Variants in SNX14 observed in about 807,000 individuals in gnomAD.
The protein encoded by SNX14 is sorting nexin 14.
A neutral mutation model predicts 133.8 loss-of-function variants in SNX14; 93 were observed. The observed-to-expected ratio is 0.70, with a 90% confidence interval of 0.59 to 0.83. The LOEUF (loss-of-function observed/expected upper bound fraction) is 0.83, where lower values mean the gene tolerates loss of function less well. Among genes scored for constraint, SNX14 ranks in the 40% least tolerant of loss-of-function variants. The probability of loss-of-function intolerance (pLI) is 0.00; values close to 1 mark genes in which losing one functional copy is unlikely to be tolerated. For missense variants in SNX14, 945 were observed against 1,094.9 expected, an observed-to-expected ratio of 0.86 and a Z score of 1.93; for synonymous variants, 368 against 365.6, an observed-to-expected ratio of 1.01 and a Z score of -0.07.
intron 15 of SNX14, 101 bp downstream of exon 15, chr6:85,541,884 A>G (rs1270106882): frequency 6.2e-6 from 5 of 810,820 alleles, no homozygotes; most frequent in Non-Finnish European, 9.5e-6. Flanking sequence ...TCATATAACA[A>G]TGGAACCACA....
intron 1 of SNX14, among the ~76,000 whole-genome samples, chr6:85,579,475 A>T (rs951670375): frequency 2.6e-5 from 4 of 152,232 alleles, no homozygotes; most frequent in Admixed American, 2.6e-4. Context: ...ACAGTACATG[A>T]TTTTAACTTC....
At chr6:85,508,151 C>T in intron 26 of SNX14, 92 bp from the exon 27 acceptor site, 1 of 1,484,888 alleles carries the variant, frequency 6.7e-7, no homozygotes. Flanking sequence ...CCCTGTTTCC[C>T]AGATACTAGG....
chr6:85,588,102 C>A (rs986160696), intron 1 of SNX14, among the ~76,000 whole-genome samples: 11 of 151,856 alleles, frequency 7.2e-5, no homozygotes, highest in Non-Finnish European at 1.0e-4. Flanking sequence ...CCAGCCTAGG[C>A]AATATAGTGA....
intron 7 of SNX14, among the ~76,000 whole-genome samples, chr6:85,555,577 G>A (rs554226993): frequency 2.0e-5 from 3 of 152,304 alleles, no homozygotes; most frequent in African/African-American, 7.2e-5. Flanking sequence ...AGGAAAGAAG[G>A]ATGAACAGAG....
At chr6:85,511,084 ATTTCT>A (rs557679188) in intron 26 of SNX14, among the ~76,000 whole-genome samples, 1 of 152,148 alleles carries the variant, frequency 6.6e-6, no homozygotes, top group Non-Finnish European at 1.5e-5. Context: ...TAGTTCTTTG[ATTTCT>A]TTAATTAAAG....
Position 85,505,944 on chromosome 6 carries a change from T to C in SNX14, c.*23A>G, listed in dbSNP as rs1770468796. 1 of 1,576,050 alleles carries C rather than the reference T, an allele frequency of 6.3e-7. No individual in the cohort carries two copies. Among genetic ancestry groups the C allele is most frequent in the African/African-American group, 1.3e-5 (1 of 74,306 alleles). ...TCGCACAGCAGAAATTTCAATGGGT[T>C]ATTCTATACCAAATCCAAGTGTTTA... On this transcript the variant is annotated 3_prime_UTR_variant, in exon 29 of 29. Transcript: ENST00000314673.
chr6:85,593,377 G>A (rs1173451698), intron 1 of SNX14, among the ~76,000 whole-genome samples: 1 of 152,206 alleles, frequency 6.6e-6, no homozygotes, highest in Admixed American at 6.5e-5. Context: ...GGGAAAGGAG[G>A]CAATCAACCC....
chr6:85,519,149 T>C (rs1241598807), intron 21 of SNX14, among the ~76,000 whole-genome samples: 1 of 152,180 alleles, frequency 6.6e-6, no homozygotes, highest in Non-Finnish European at 1.5e-5. Flanking sequence ...CTAAATGCCA[T>C]ATATAACCAA....
intron 21 of SNX14, among the ~76,000 whole-genome samples, chr6:85,525,910 A>C (rs1249529683): frequency 6.6e-6 from 1 of 152,160 alleles, no homozygotes; most frequent in Non-Finnish European, 1.5e-5. Flanking sequence ...GACTAATGTA[A>C]TTTTCTGTGA....
intron 17 of SNX14, among the ~76,000 whole-genome samples, chr6:85,534,825 G>T (rs953115424): frequency 3.9e-5 from 4 of 101,738 alleles, no homozygotes; most frequent in Non-Finnish European, 5.6e-5. Flanking sequence ...GGGGTGAAAA[G>T]GGAAAGTTTT....
intron 6 of SNX14, among the ~76,000 whole-genome samples, chr6:85,560,283 T>C (rs990219273): frequency 2.0e-5 from 3 of 152,098 alleles, no homozygotes; most frequent in Admixed American, 1.3e-4. Context: ...ATTCACACAA[T>C]GGAATATTAG....
At chr6:85,536,476 T>A (rs1315040150) in intron 17 of SNX14, among the ~76,000 whole-genome samples, 1 of 152,134 alleles carries the variant, frequency 6.6e-6, no homozygotes. Context: ...AAAGGTAACA[T>A]CAGAATTTGA....
chr6:85,533,521 C>CA, intron 18 of SNX14, 78 bp downstream of exon 18: 1 of 1,401,506 alleles, frequency 7.1e-7, no homozygotes, highest in Non-Finnish European at 9.7e-7. Context: ...TTAGAAGTGG[C>CA]AAAATGTTTA....
At chr6:85,580,114 T>C (rs1418842047) in intron 1 of SNX14, among the ~76,000 whole-genome samples, 1 of 152,074 alleles carries the variant, frequency 6.6e-6, no homozygotes, top group Non-Finnish European at 1.5e-5. Context: ...GAGGGGAAAG[T>C]AAAGATAACT....
chr6:85,558,205 A>C (rs997359100), intron 6 of SNX14, 145 bp from the exon 7 acceptor site: 19 of 554,320 alleles, frequency 3.4e-5, no homozygotes, highest in Non-Finnish European at 4.7e-5. Context: ...TTCCTGCATC[A>C]TACTAACTGT....
Position 85,514,581 on chromosome 6 carries a change from C to A in SNX14, c.2317G>T (p.Glu773Ter), listed in dbSNP as rs1432312153. 6.2e-7 allele frequency: 1 copy of A among 1,613,058 alleles called. No individual in the cohort carries two copies. Among genetic ancestry groups the A allele is most frequent in the Non-Finnish European group, 8.5e-7 (1 of 1,179,628 alleles). ...AAATAATTCTGATTTTGCTTTCTCT[C>A]TGTATTTTCAGCACGGTTTGCATTA... ...KNNANRAENTERKQNQNYFME... is the reference protein window; with the variant it reads ...KNNANRAENT Residue 773 changes from glutamate (E) to a stop codon, truncating the protein, a stop_gained, in exon 24 of 29, where the codon GAG (glutamate) becomes TAG (stop). Coordinates refer to ENST00000314673, the MANE Select transcript of SNX14 (RefSeq NM_153816.6). LOFTEE classifies it high-confidence loss of function.
In SNX14 at chr6:85,586,800, G is replaced by A. The variant is rs552628994; in HGVS notation, c.140+6779C>T. On this transcript the variant is annotated intron_variant, in intron 1 of 28. Coordinates refer to ENST00000314673, the MANE Select transcript of SNX14 (RefSeq NM_153816.6). ...GTGCATAATTTCAGCAATTTGGGAG[G>A]CCGAGGTGGGCAGATCACTTGAGGT... is the stretch of plus-strand genomic sequence containing the variant. Among the ~76,000 whole-genome samples the A allele has an allele frequency of 3.3e-5, 5 of 152,008 alleles. No individual in the cohort carries two copies. In the South Asian group the frequency reaches 1.0e-3, roughly 32 times the overall value.
chr6:85,535,844 T>A (rs1417094149), intron 17 of SNX14, among the ~76,000 whole-genome samples: 1 of 152,084 alleles, frequency 6.6e-6, no homozygotes, highest in Non-Finnish European at 1.5e-5. Flanking sequence ...TCATCATCAA[T>A]CCAATCAGTA....
chr6:85,515,551 G>A (rs181797613), intron 23 of SNX14, among the ~76,000 whole-genome samples: 6 of 152,166 alleles, frequency 3.9e-5, no homozygotes, highest in Admixed American at 3.3e-4. Flanking sequence ...GGAGACTGTG[G>A]AGGAAAGTAT....
Sources: allele counts gnomAD v4.1 joint callset (sites outside exome capture counted in the v4.1 genomes callset), GRCh38; gene constraint gnomAD v4.1.1; transcripts MANE v1.5; gene names NCBI Gene and HGNC (gene_info 2026-07-23, HGNC 2026-07-21).